Variants in ADAM12 observed in about 807,000 individuals in gnomAD.
ADAM12 encodes ADAM metallopeptidase domain 12.
Under a neutral mutation model 106.4 loss-of-function variants are expected in ADAM12, and 70 were observed. The ratio of observed to expected loss-of-function variants is 0.66; its 90% confidence interval spans 0.54 to 0.80. The LOEUF is 0.80. ADAM12 is among the 30% of genes least tolerant of loss of function. The pLI is 0.00. For synonymous variants in ADAM12, 420 were observed against 433.5 expected, an observed-to-expected ratio of 0.97 and a Z score of 0.39; for missense variants, 1,010 against 1,171.9, an observed-to-expected ratio of 0.86 and a Z score of 2.02.
intron 11 of ADAM12, among the ~76,000 whole-genome samples, chr10:126,091,967 G>A (rs992841464): frequency 1.3e-5 from 2 of 152,064 alleles, no homozygotes; most frequent in Non-Finnish European, 2.9e-5. Context: ...TTGGATGGGT[G>A]GATGAAGACT....
intron 1 of ADAM12, among the ~76,000 whole-genome samples, chr10:126,369,797 C>T (rs1293995821): frequency 6.6e-6 from 1 of 152,066 alleles, no homozygotes; most frequent in Non-Finnish European, 1.5e-5. Flanking sequence ...GTTCCCAGTG[C>T]CCCCGCCTCC....
intron 1 of ADAM12, among the ~76,000 whole-genome samples, chr10:126,367,041 AAT>A (rs1267549536): frequency 4.0e-5 from 6 of 151,892 alleles, no homozygotes; most frequent in Non-Finnish European, 5.9e-5. Flanking sequence ...TAGTAAGCTT[AAT>A]ATGAGATTTG....
intron 2 of ADAM12, among the ~76,000 whole-genome samples, chr10:126,288,023 C>T (rs180712894): frequency 4.9e-4 from 75 of 151,640 alleles, no homozygotes; most frequent in African/African-American, 1.6e-3. Context: ...AACTGGGGGG[C>T]GGAGAGGAGA....
chr10:126,162,810 A>G (rs1956960031), intron 3 of ADAM12, among the ~76,000 whole-genome samples: 1 of 152,168 alleles, frequency 6.6e-6, no homozygotes, highest in Non-Finnish European at 1.5e-5. Context: ...GAGAAGAGAC[A>G]TGAGTTCAGT....
chr10:126,335,237 C>G (rs1854657950), intron 1 of ADAM12, among the ~76,000 whole-genome samples: 1 of 152,218 alleles, frequency 6.6e-6, no homozygotes, highest in Non-Finnish European at 1.5e-5. Flanking sequence ...AGAAAATAAA[C>G]TCTGATGAGA....
intron 2 of ADAM12, among the ~76,000 whole-genome samples, chr10:126,316,677 C>CA (rs1378933380): frequency 6.7e-6 from 1 of 148,828 alleles, no homozygotes; most frequent in Non-Finnish European, 1.5e-5. Context: ...AGCAACATGG[C>CA]AAAAACCTAT....
At chr10:126,290,854 A>G (rs557347709) in intron 2 of ADAM12, among the ~76,000 whole-genome samples, 1 of 152,228 alleles carries the variant, frequency 6.6e-6, no homozygotes, top group Non-Finnish European at 1.5e-5. Context: ...GTGTACGACC[A>G]ATCATAGAAG....
chr10:126,051,589 C>CCAGCCAGA (rs1954499482), intron 14 of ADAM12, among the ~76,000 whole-genome samples: 1 of 128,714 alleles, frequency 7.8e-6, no homozygotes, highest in Non-Finnish European at 1.7e-5. Context: ...ATCCATCCAT[C>CCAGCCAGA]CAGCCAGCCA....
intron 12 of ADAM12, among the ~76,000 whole-genome samples, chr10:126,068,985 AGTT>A (rs1247116023): frequency 8.5e-5 from 13 of 152,274 alleles, no homozygotes; most frequent in Non-Finnish European, 1.6e-4. Flanking sequence ...GGGTGCTGGC[AGTT>A]GTTTTTCGGA....
chr10:126,355,529 A>G (rs1855510619), intron 1 of ADAM12, among the ~76,000 whole-genome samples: 1 of 152,222 alleles, frequency 6.6e-6, no homozygotes, highest in Admixed American at 6.5e-5. Context: ...TGAAGTCTGC[A>G]TTGGAAGGGT....
intron 3 of ADAM12, among the ~76,000 whole-genome samples, chr10:126,236,320 G>A (rs1958415066): frequency 6.6e-6 from 1 of 152,148 alleles, no homozygotes; most frequent in African/African-American, 2.4e-5. Context: ...TGGGGCCACT[G>A]GTCAGATGGA....
At chr10:126,220,532 TTTG>T (rs1565147388) in intron 3 of ADAM12, among the ~76,000 whole-genome samples, 1 of 152,132 alleles carries the variant, frequency 6.6e-6, no homozygotes, top group African/African-American at 2.4e-5. Flanking sequence ...TAAAATGATT[TTTG>T]TTGTTGTTGC....
intron 4 of ADAM12, among the ~76,000 whole-genome samples, chr10:126,139,015 T>A (rs1956460532): frequency 6.6e-6 from 1 of 152,170 alleles, no homozygotes; most frequent in African/African-American, 2.4e-5. Flanking sequence ...CTCCAAATCA[T>A]TTTCTTTTGG....
chr10:126,185,777 C>T (rs1288976720), intron 3 of ADAM12, among the ~76,000 whole-genome samples: 1 of 151,934 alleles, frequency 6.6e-6, no homozygotes, highest in Non-Finnish European at 1.5e-5. Context: ...CCAATGCAAG[C>T]AATAATTTTA....
chr10:126,296,758 C>A (rs1960399590), intron 2 of ADAM12, among the ~76,000 whole-genome samples: 1 of 152,200 alleles, frequency 6.6e-6, no homozygotes, highest in Admixed American at 6.5e-5. Flanking sequence ...TCTAAAATGA[C>A]CCCTCACTCT....
intron 2 of ADAM12, among the ~76,000 whole-genome samples, chr10:126,282,035 CAG>C (rs1376256818): frequency 6.6e-6 from 1 of 152,172 alleles, no homozygotes; most frequent in Non-Finnish European, 1.5e-5. Flanking sequence ...TAACACACAC[CAG>C]AGACTGTGTG....
At chr10:126,231,561 C>T (rs1958311740) in intron 3 of ADAM12, among the ~76,000 whole-genome samples, 1 of 152,210 alleles carries the variant, frequency 6.6e-6, no homozygotes, top group African/African-American at 2.4e-5. Context: ...CTTCCATCCT[C>T]TCCTTGCCCT....
At chr10:126,074,968 G>A (rs1192225540) in intron 11 of ADAM12, among the ~76,000 whole-genome samples, 4 of 152,142 alleles carry the variant, frequency 2.6e-5, no homozygotes, top group Non-Finnish European at 5.9e-5. Context: ...CTCCAGCCAT[G>A]AGCAGGTGTG....
At chr10:126,029,324 G>T (rs1047556260) in intron 21 of ADAM12, among the ~76,000 whole-genome samples, 1 of 152,112 alleles carries the variant, frequency 6.6e-6, no homozygotes, top group African/African-American at 2.4e-5. Flanking sequence ...CAATAGCAAA[G>T]ACATGGAATC....
Sources: gnomAD v4.1 joint callset for allele counts (sites outside exome capture counted in the v4.1 genomes callset) on GRCh38, gnomAD v4.1.1 for gene constraint, MANE v1.5 for transcripts, NCBI Gene and HGNC (gene_info 2026-07-23, HGNC 2026-07-21) for gene names.